The following SLC1A7 variants were observed in gnomAD, a reference collection of about 807,000 sequenced individuals.
SLC1A7 encodes the protein excitatory amino acid transporter 5.
SLC1A7 carries 40 observed loss-of-function variants against 47.7 expected under a neutral mutation model. That is an observed-to-expected ratio of 0.84 (90% confidence interval 0.65 to 1.09). The LOEUF is 1.09. Ranked by LOEUF, SLC1A7 falls within the 50% of genes least tolerant of loss-of-function variation. SLC1A7 has a pLI of 0.00. For missense variants in SLC1A7, 746 were observed against 769.5 expected, an observed-to-expected ratio of 0.97 and a Z score of 0.36; for synonymous variants, 323 against 325.6, an observed-to-expected ratio of 0.99 and a Z score of 0.09.
intron 3 of SLC1A7, among the ~76,000 whole-genome samples, chr1:53,109,227 A>C (rs1019744769): frequency 2.0e-5 from 3 of 151,938 alleles, no homozygotes; most frequent in Admixed American, 6.6e-5. Flanking sequence ...CAAGCCCTAA[A>C]GGTGGGAATT....
chr1:53,110,472 A>T (rs1644690619), intron 3 of SLC1A7, among the ~76,000 whole-genome samples: 1 of 152,122 alleles, frequency 6.6e-6, no homozygotes, highest in South Asian at 2.1e-4. Context: ...GTGCGGCTCT[A>T]AGCAGCAGGA....
chr1:53,114,796 G>A lies in SLC1A7; in HGVS notation c.393C>T (p.Pro131=). The A allele has an allele frequency of 6.2e-7, 1 of 1,614,162 alleles. No homozygotes were observed. ...QKETTEQSGK[P]IMSSADALLD... ...ACAGGGCATCGGCTGAGCTCATGATGGGCTTCCCACTCTGCTCCGTGGTCT... is the reference window on the plus strand; with the variant it reads ...ACAGGGCATCGGCTGAGCTCATGATAGGCTTCCCACTCTGCTCCGTGGTCT... Residue 131 remains proline, a synonymous_variant, in exon 3 of 11, where the codon CCC becomes CCT. Transcript: ENST00000371494.
intron 5 of SLC1A7, among the ~76,000 whole-genome samples, chr1:53,094,226 C>T (rs1194578669): frequency 6.6e-6 from 1 of 152,208 alleles, no homozygotes; most frequent in South Asian, 2.1e-4. Flanking sequence ...GCATGTTAGA[C>T]GCACAGTGGT....
At chr1:53,107,746 G>A (rs983330815) in intron 3 of SLC1A7, among the ~76,000 whole-genome samples, 13 of 152,174 alleles carry the variant, frequency 8.5e-5, no homozygotes, top group African/African-American at 2.2e-4. Flanking sequence ...CCTGGAGGGC[G>A]GAAGCTCTGT....
At chr1:53,089,284 A>G (rs1349300286) in intron 9 of SLC1A7, among the ~76,000 whole-genome samples, 1 of 137,934 alleles carries the variant, frequency 7.2e-6, no homozygotes, top group East Asian at 2.1e-4. Flanking sequence ...TTGTTTTTTG[A>G]GACAGAGTCT....
intron 2 of SLC1A7, among the ~76,000 whole-genome samples, chr1:53,129,184 A>AG (rs1644913524): frequency 2.0e-5 from 1 of 50,824 alleles, no homozygotes; most frequent in African/African-American, 5.5e-5. Context: ...GTCTCAAAAA[A>AG]GAAAAAAAAA....
At chr1:53,128,863 G>A (rs1250008959) in intron 2 of SLC1A7, among the ~76,000 whole-genome samples, 2 of 142,230 alleles carry the variant, frequency 1.4e-5, no homozygotes, top group Non-Finnish European at 3.1e-5. Context: ...GGAGCCTGGT[G>A]ATGCTTTAAT....
intron 6 of SLC1A7, 54 bp from the exon 7 acceptor site, chr1:53,092,841 G>T: frequency 1.7e-6 from 2 of 1,189,676 alleles, no homozygotes; most frequent in Non-Finnish European, 2.5e-6. Context: ...ACACACCCCG[G>T]CCCCAGCCCC....
Position 53,092,775 on chromosome 1 carries a change from G to T in SLC1A7, c.810C>A (p.Phe270Leu), listed in dbSNP as rs771136123. Residue 270 changes from phenylalanine to leucine, a missense_variant, in exon 7 of 11, where the codon TTC becomes TTA. Transcript: ENST00000371494. ...IVAVAVWYFP[F>L]GIVFLIAGKI... Reference sequence around the variant, plus strand: ...TACCCGCAATGAGGAACACAATGCCGAAGGGGAAATACCTGGGGGCGGCGG... The same window carrying T: ...TACCCGCAATGAGGAACACAATGCCTAAGGGGAAATACCTGGGGGCGGCGG... 6.2e-7 allele frequency: 1 copy of T among 1,612,110 alleles called. No individual in the cohort carries two copies. The highest frequency in any genetic ancestry group is 1.7e-5 in the Admixed American group (1 of 60,028).
At chr1:53,121,347 C>A (rs1330812321) in intron 2 of SLC1A7, among the ~76,000 whole-genome samples, 1 of 152,172 alleles carries the variant, frequency 6.6e-6, no homozygotes, top group Non-Finnish European at 1.5e-5. Context: ...CAGCCTTGGT[C>A]CCCGGATGGG....
intron 2 of SLC1A7, among the ~76,000 whole-genome samples, chr1:53,131,558 T>C (rs1644942008): frequency 6.6e-6 from 1 of 152,260 alleles, no homozygotes; most frequent in Admixed American, 6.5e-5. Context: ...TCTATTTTCC[T>C]GTCAGTCTCC....
At chr1:53,104,093 T>G (rs114525559) in intron 4 of SLC1A7, among the ~76,000 whole-genome samples, 1,758 of 152,288 alleles carry the variant, frequency 0.012, 42 homozygotes, top group African/African-American at 0.04. Flanking sequence ...AGAGCATTCA[T>G]GGGTCTCACC....
chr1:53,131,569 C>G (rs935485263), intron 2 of SLC1A7, among the ~76,000 whole-genome samples: 1 of 152,240 alleles, frequency 6.6e-6, no homozygotes, highest in Non-Finnish European at 1.5e-5. Context: ...GTCAGTCTCC[C>G]CAGCAGTCTG....
rs1362646330 is a variant in SLC1A7, at chr1:53,092,765, A to G, written c.820T>C (p.Phe274Leu). ...TCCAGGATCTTACCCGCAATGAGGA[A>G]CACAATGCCGAAGGGGAAATACCTG... is the stretch of plus-strand genomic sequence containing the variant. ...AVWYFPFGIV[F>L]LIAGKILEMD... The change falls in exon 7 of 11, where the codon TTC becomes CTC. Residue 274 changes from phenylalanine (F) to leucine (L), a missense_variant. Physicochemically the swap from Phe to Leu is conservative, Grantham distance 22. Transcript: ENST00000371494. 2 of 1,612,948 alleles carry G rather than the reference A, an allele frequency of 1.2e-6. No homozygotes were observed. The highest frequency in any genetic ancestry group is 1.7e-6 in the Non-Finnish European group (2 of 1,179,094).
rs67205575 is a variant in SLC1A7, at chr1:53,124,249, A to AACACACAC, written c.216-9284_216-9277dup. On this transcript the variant is annotated intron_variant, in intron 2 of 10. Coordinates refer to ENST00000371494, the MANE Select transcript of SLC1A7 (RefSeq NM_006671.6). Reference sequence around the variant, plus strand: ...ATAGGAAGGAAAACAATACATACACAACACACACACACACACACACACACA... The same window carrying AACACACAC: ...ATAGGAAGGAAAACAATACATACACAACACACACACACACACACACACACACACACACA... 2.7e-3 allele frequency among the ~76,000 whole-genome samples: 19 copies of AACACACAC among 6,994 alleles called. 1 individual carries two copies. The highest frequency in any genetic ancestry group is 2.9e-3 in the African/African-American group (19 of 6,504). The allele number at this position is 6,994 out of a possible 152,430, so 4.6% of individuals were successfully genotyped here.
chr1:53,129,906 C>T lies in SLC1A7; in HGVS notation c.215+4444G>A, dbSNP rs548014025. 2.7e-4 allele frequency among the ~76,000 whole-genome samples: 41 copies of T among 151,758 alleles called. 2 individuals carry two copies. Among genetic ancestry groups the T allele is most frequent in the African/African-American group, 9.2e-4 (38 of 41,356 alleles). On this transcript the variant is annotated intron_variant, in intron 2 of 10. Transcript: ENST00000371494. Reference sequence around the variant, plus strand: ...GGGATCTCAGAAAAAAACAAAGATGCACACGACCCTGCCCACGGAGGGGGC... The same window carrying T: ...GGGATCTCAGAAAAAAACAAAGATGTACACGACCCTGCCCACGGAGGGGGC...
chr1:53,101,929 C>T (rs530638806), intron 5 of SLC1A7, among the ~76,000 whole-genome samples: 1 of 152,132 alleles, frequency 6.6e-6, no homozygotes, highest in Non-Finnish European at 1.5e-5. Flanking sequence ...CACGCCCTGC[C>T]TCGGTACCCT....
chr1:53,119,350 T>C (rs990513891), intron 2 of SLC1A7, among the ~76,000 whole-genome samples: 1 of 152,150 alleles, frequency 6.6e-6, no homozygotes, highest in Non-Finnish European at 1.5e-5. Flanking sequence ...TATGATTTTA[T>C]TTTTTATTAA....
At chr1:53,113,726 G>T (rs569099003) in intron 3 of SLC1A7, among the ~76,000 whole-genome samples, 2 of 152,194 alleles carry the variant, frequency 1.3e-5, no homozygotes, top group South Asian at 4.1e-4. Flanking sequence ...CTCATTTTCT[G>T]TGGCCTTTAG....
Sources: allele counts gnomAD v4.1 joint callset (sites outside exome capture counted in the v4.1 genomes callset), GRCh38; gene constraint gnomAD v4.1.1; transcripts MANE v1.5; gene names NCBI Gene and HGNC (gene_info 2026-07-23, HGNC 2026-07-21).